Variants in SYNJ2 observed in about 807,000 individuals in gnomAD.
The protein encoded by SYNJ2 is synaptojanin 2, also known as polyphosphatidylinositol phosphatase SYNJ2.
Under a neutral mutation model 141.3 loss-of-function variants are expected in SYNJ2, and 116 were observed. The ratio of observed to expected loss-of-function variants is 0.82; its 90% confidence interval spans 0.71 to 0.96. The LOEUF is 0.96. Among genes scored for constraint, SYNJ2 ranks in the 40% least tolerant of loss-of-function variants. SYNJ2 has a pLI of 0.00. For missense variants in SYNJ2, 1,873 were observed against 1,934.8 expected (o/e 0.97, Z 0.60); for synonymous variants, 745 against 777.7 (o/e 0.96, Z 0.70).
chr6:158,037,395 C>CTTTT (rs869141011), intron 4 of SYNJ2, among the ~76,000 whole-genome samples: 6 of 109,076 alleles, frequency 5.5e-5, no homozygotes, highest in African/African-American at 1.5e-4. Context: ...TTGTCCTCAT[C>CTTTT]TTTTTTTTTT....
chr6:158,053,790 C>A (rs1474026541), intron 5 of SYNJ2, among the ~76,000 whole-genome samples: 1 of 151,050 alleles, frequency 6.6e-6, no homozygotes, highest in Non-Finnish European at 1.5e-5. Context: ...CCCACTCACC[C>A]ACTTACCTAT....
Position 158,033,613 on chromosome 6 carries a change from G to T in SYNJ2, c.644G>T (p.Gly215Val), listed in dbSNP as rs755691012. Residue 215 changes from glycine to valine, a missense_variant, in exon 4 of 27, where the codon GGC (glycine) becomes GTC (valine). Coordinates refer to ENST00000355585, the MANE Select transcript of SYNJ2 (RefSeq NM_003898.4). ...TCTCGCGTTAGCTGTGAGCGCACAG[G>T]CACTCGCTTCCACACCCGTGGCGTG... ...LVSRVSCERT[G>V]TRFHTRGVND... 3.1e-6 allele frequency: 5 copies of T among 1,613,694 alleles called. No homozygotes were observed. The South Asian group carries it at 5.5e-5, about 18-fold the overall frequency.
At chr6:158,032,055 A>G (rs765649930) in intron 3 of SYNJ2, among the ~76,000 whole-genome samples, 19 of 152,126 alleles carry the variant, frequency 1.2e-4, no homozygotes, top group Admixed American at 7.2e-4. Flanking sequence ...TTGTACAGCA[A>G]TGCTTCAGCA....
chr6:158,039,886 G>A (rs1366620473), intron 4 of SYNJ2, among the ~76,000 whole-genome samples: 1 of 152,222 alleles, frequency 6.6e-6, no homozygotes, highest in Admixed American at 6.5e-5. Context: ...GGCCCCTGCA[G>A]AGGAAACAGG....
In SYNJ2 at chr6:158,057,706, A is replaced by G. The variant is rs151221828; in HGVS notation, c.858-1551A>G. On this transcript the variant is annotated intron_variant, in intron 6 of 26. Coordinates refer to ENST00000355585, the MANE Select transcript of SYNJ2 (RefSeq NM_003898.4). ...GGCAGGAATGAGACAGGAAGAGATC[A>G]GAAATGGGCCTTGTTTCCGATGAGC... 2.4e-4 allele frequency among the ~76,000 whole-genome samples: 36 copies of G among 152,372 alleles called. 1 individual carries two copies. In the East Asian group the frequency reaches 6.9e-3, roughly 29 times the overall value.
rs111717771 is a variant in SYNJ2 at position 158,036,212 on chromosome 6, A to G, written c.711+2532A>G. Among the ~76,000 whole-genome samples, 638 of 152,348 alleles carry G rather than the reference A, an allele frequency of 4.2e-3. 3 individuals carry two copies. The highest frequency in any genetic ancestry group is 0.011 in the African/African-American group (454 of 41,580). ...CTCACACAATAATGGCTATTGTTAAAAAGTCGAAAAATAACAGATGCTGGC... is the reference window on the plus strand; with the variant it reads ...CTCACACAATAATGGCTATTGTTAAGAAGTCGAAAAATAACAGATGCTGGC... On this transcript the variant is annotated intron_variant, in intron 4 of 26. Transcript: ENST00000355585.
intron 1 of SYNJ2, among the ~76,000 whole-genome samples, chr6:157,995,674 C>T (rs1777609716): frequency 6.6e-6 from 1 of 152,246 alleles, no homozygotes; most frequent in African/African-American, 2.4e-5. Context: ...CACACACACA[C>T]AGCGGGGACG....
rs1295536872 is a variant in SYNJ2, at chr6:158,027,256, T to C, written c.215-1500T>C. The C allele has an allele frequency of 1.1e-6, 1 of 941,312 alleles. No individual in the cohort carries two copies. The highest frequency in any genetic ancestry group is 1.3e-6 in the Non-Finnish European group (1 of 789,794). 58.3% of individuals were successfully genotyped at this position (941,312 alleles called of 1,614,324 possible). On this transcript the variant is annotated intron_variant, in intron 2 of 26. Coordinates refer to ENST00000355585, the MANE Select transcript of SYNJ2 (RefSeq NM_003898.4). This position sits in a 1 kb window ranked among gnomAD's most constrained non-coding sequence, Gnocchi z 4.6. Reference sequence around the variant, plus strand: ...AGAGATCAGAACCATCTCCAGACCATGGCTGTAGACAGCGGCCCTTGATCA... The same window carrying C: ...AGAGATCAGAACCATCTCCAGACCACGGCTGTAGACAGCGGCCCTTGATCA...
chr6:158,081,247 A>C lies in SYNJ2; in HGVS notation c.2706A>C (p.Glu902Asp). 6.2e-7 allele frequency: 1 copy of C among 1,614,152 alleles called. No individual in the cohort carries two copies. Among genetic ancestry groups the C allele is most frequent in the Non-Finnish European group, 8.5e-7 (1 of 1,180,020 alleles). ...TAAACCTTCAATCACCGACCTTAGA[A>C]GAGAAAAACGAGTTTCCAGAGGACC... ...VVVNLQSPTL[E>D]EKNEFPEDLR... The change falls in exon 19 of 27, where the codon GAA becomes GAC. Residue 902 changes from glutamate to aspartate, a missense_variant. Coordinates refer to ENST00000355585, the MANE Select transcript of SYNJ2 (RefSeq NM_003898.4).
intron 16 of SYNJ2, 79 bp from the exon 17 acceptor site, chr6:158,076,547 C>T (rs1782301822): frequency 6.7e-7 from 1 of 1,482,666 alleles, no homozygotes; most frequent in Non-Finnish European, 9.1e-7. Context: ...AGGGACTTGC[C>T]TTTTCAGTTT....
In SYNJ2 at chr6:158,037,315, G is replaced by A. The variant is rs531150138; in HGVS notation, c.711+3635G>A. Among the ~76,000 whole-genome samples the A allele has an allele frequency of 1.4e-4, 21 of 151,304 alleles. No homozygotes were observed. The South Asian group carries it at 1.9e-3, about 14-fold the overall frequency. Reference sequence around the variant, plus strand: ...CTCCATCATCTCTGCCTCCGTTTTCGTGTGGCCTTCTCTGCCTGTGTCTCT... The same window carrying A: ...CTCCATCATCTCTGCCTCCGTTTTCATGTGGCCTTCTCTGCCTGTGTCTCT... On this transcript the variant is annotated intron_variant, in intron 4 of 26. Transcript: ENST00000355585.
intron 5 of SYNJ2, among the ~76,000 whole-genome samples, chr6:158,044,718 A>G (rs1477914522): frequency 6.6e-6 from 1 of 152,200 alleles, no homozygotes; most frequent in African/African-American, 2.4e-5. Context: ...GAACACTTTG[A>G]TCACCACTAA....
chr6:158,026,540 C>T (rs568951698), intron 2 of SYNJ2, among the ~76,000 whole-genome samples: 4 of 152,254 alleles, frequency 2.6e-5, no homozygotes, highest in South Asian at 4.1e-4. Flanking sequence ...ACCCAGGAGC[C>T]CCAGTGCTCT....
chr6:158,010,201 C>T (rs1030554064), intron 1 of SYNJ2, among the ~76,000 whole-genome samples: 1 of 152,222 alleles, frequency 6.6e-6, no homozygotes, highest in Non-Finnish European at 1.5e-5. Context: ...ATTACAGGTG[C>T]GAGCCACCAT....
At chr6:158,018,127 G>C (rs1583325131) in intron 2 of SYNJ2, among the ~76,000 whole-genome samples, 1 of 152,194 alleles carries the variant, frequency 6.6e-6, no homozygotes, top group African/African-American at 2.4e-5. Context: ...TCTGACTTGC[G>C]AAGGGAGAGA....
At chr6:157,993,939 C>T (rs1490050946) in intron 1 of SYNJ2, among the ~76,000 whole-genome samples, 16 of 150,226 alleles carry the variant, frequency 1.1e-4, no homozygotes, top group African/African-American at 2.7e-4. Flanking sequence ...CTCAGCCTCC[C>T]GAGTAGCTGG....
chr6:157,996,962 C>G (rs961814349), intron 1 of SYNJ2, among the ~76,000 whole-genome samples: 1 of 152,070 alleles, frequency 6.6e-6, no homozygotes, highest in Non-Finnish European at 1.5e-5. Context: ...TATAGCAGTG[C>G]GAGAACAGAC....
At chr6:158,051,110 G>A (rs1018485350) in intron 5 of SYNJ2, among the ~76,000 whole-genome samples, 6 of 152,200 alleles carry the variant, frequency 3.9e-5, no homozygotes, top group Non-Finnish European at 8.8e-5. Context: ...ATGACTCAGG[G>A]AGAGACAGTT....
intron 25 of SYNJ2, among the ~76,000 whole-genome samples, chr6:158,092,007 C>T (rs1562410989): frequency 6.6e-6 from 1 of 151,074 alleles, no homozygotes; most frequent in Non-Finnish European, 1.5e-5. Context: ...GGAGTTAGAT[C>T]GTATGATGGT....
Sources: gnomAD v4.1 joint callset for allele counts (sites outside exome capture counted in the v4.1 genomes callset) on GRCh38, gnomAD v4.1.1 for gene constraint, Gnocchi (gnomAD v3.1) non-coding constraint, MANE v1.5 for transcripts, NCBI Gene and HGNC (gene_info 2026-07-23, HGNC 2026-07-21) for gene names.